ADGRL3: variants seen among roughly 807,000 people sequenced by gnomAD.
The protein encoded by ADGRL3 is calcium-independent alpha-latrotoxin receptor 3.
A neutral mutation model predicts 153.5 loss-of-function variants in ADGRL3; 62 were observed. The observed-to-expected ratio is 0.40, with a 90% CI of 0.33 to 0.50. The LOEUF (loss-of-function observed/expected upper bound fraction) is 0.50. ADGRL3 is among the 20% of genes least tolerant of loss of function. The pLI, the probability that ADGRL3 is intolerant of heterozygous loss-of-function variation, is 0.47. For synonymous variants in ADGRL3, 710 were observed against 672.5 expected, an observed-to-expected ratio of 1.06 and a Z score of -0.86; for missense variants, 1,641 against 1,859.4, an observed-to-expected ratio of 0.88 and a Z score of 2.16.
chr4:61,827,596 G>A (rs1029105955), intron 9 of ADGRL3, among the ~76,000 whole-genome samples: 1 of 152,112 alleles, frequency 6.6e-6, no homozygotes, highest in African/African-American at 2.4e-5. Flanking sequence ...AGAATTAGTA[G>A]GATATTTCAT....
chr4:61,323,532 C>T (rs913430694), intron 1 of ADGRL3, among the ~76,000 whole-genome samples: 1 of 152,260 alleles, frequency 6.6e-6, no homozygotes, highest in South Asian at 2.1e-4. Context: ...ATTTCTTCCA[C>T]CAGACACCCT....
chr4:61,522,570 CA>C, intron 4 of ADGRL3, among the ~76,000 whole-genome samples: 1 of 152,202 alleles, frequency 6.6e-6, no homozygotes, highest in South Asian at 2.1e-4. Flanking sequence ...AAAAGGGTGG[CA>C]AAACCTCATT....
At chr4:61,973,268 C>T (rs2099035959) in intron 17 of ADGRL3, among the ~76,000 whole-genome samples, 1 of 151,938 alleles carries the variant, frequency 6.6e-6, no homozygotes, top group African/African-American at 2.4e-5. Context: ...GACTTAGTAT[C>T]ATTGAGTGTA....
chr4:61,759,343 C>T (rs1243447583), intron 8 of ADGRL3, among the ~76,000 whole-genome samples: 1 of 152,072 alleles, frequency 6.6e-6, no homozygotes, highest in East Asian at 1.9e-4. Flanking sequence ...TCACATAGTC[C>T]CATATTTCTT....
intron 6 of ADGRL3, among the ~76,000 whole-genome samples, chr4:61,721,793 C>T (rs2096248102): frequency 6.6e-6 from 1 of 152,064 alleles, no homozygotes; most frequent in African/African-American, 2.4e-5. Flanking sequence ...AAACACAAAG[C>T]AGATTAGGTA....
chr4:61,647,413 G>C (rs1201322071), intron 5 of ADGRL3, among the ~76,000 whole-genome samples: 1 of 152,122 alleles, frequency 6.6e-6, no homozygotes, highest in Non-Finnish European at 1.5e-5. Context: ...AGTAGAACTA[G>C]GGTTTGTCCC....
At chr4:61,990,942 A>G (rs1365028421) in intron 19 of ADGRL3, among the ~76,000 whole-genome samples, 1 of 133,216 alleles carries the variant, frequency 7.5e-6, no homozygotes, top group Non-Finnish European at 1.6e-5. Flanking sequence ...GACTCTTCCG[A>G]TGTTTGAAAC....
At chr4:61,817,151 C>T (rs890251386) in intron 9 of ADGRL3, among the ~76,000 whole-genome samples, 6 of 74,482 alleles carry the variant, frequency 8.1e-5, no homozygotes, top group Non-Finnish European at 1.3e-4. Context: ...GTCTGCAGAC[C>T]CCCCCCCCCC....
At chr4:61,920,304 T>C (rs1457429458) in intron 13 of ADGRL3, among the ~76,000 whole-genome samples, 1 of 152,338 alleles carries the variant, frequency 6.6e-6, no homozygotes, top group East Asian at 1.9e-4. Context: ...TAAAGGATAT[T>C]AAAAACAGCA....
chr4:61,799,037 A>ATATATATG (rs1303486164), intron 8 of ADGRL3, among the ~76,000 whole-genome samples: 1 of 121,776 alleles, frequency 8.2e-6, no homozygotes, highest in Non-Finnish European at 1.7e-5. Context: ...ATATATATAT[A>ATATATATG]TACCATATAT....
At chr4:61,699,892 TAAG>T (rs2095715893) in intron 6 of ADGRL3, among the ~76,000 whole-genome samples, 1 of 151,812 alleles carries the variant, frequency 6.6e-6, no homozygotes, top group South Asian at 2.1e-4. Flanking sequence ...ACTATGCTTA[TAAG>T]AAGTTACAGC....
intron 21 of ADGRL3, among the ~76,000 whole-genome samples, chr4:62,003,635 A>T (rs2099148062): frequency 1.3e-5 from 2 of 152,068 alleles, no homozygotes; most frequent in African/African-American, 4.8e-5. Context: ...ATTTTTAACC[A>T]CTCTGTATGG....
At chr4:61,413,784 G>A (rs749539566) in intron 2 of ADGRL3, among the ~76,000 whole-genome samples, 2 of 151,908 alleles carry the variant, frequency 1.3e-5, no homozygotes, top group Admixed American at 6.6e-5. Context: ...ACAAACAAAC[G>A]AATGAAACCA....
intron 1 of ADGRL3, among the ~76,000 whole-genome samples, chr4:61,250,481 AG>A (rs1758808401): frequency 6.6e-6 from 1 of 152,160 alleles, no homozygotes; most frequent in Non-Finnish European, 1.5e-5. Context: ...CTGGATAGTA[AG>A]GGCCTGATCT....
intron 5 of ADGRL3, among the ~76,000 whole-genome samples, chr4:61,632,835 G>A (rs147827016): frequency 4.7e-4 from 72 of 152,190 alleles, no homozygotes; most frequent in African/African-American, 1.7e-3. Flanking sequence ...TACCATATTT[G>A]TGTAGGATTG....
At chr4:61,313,705 CTAA>C (rs939929497) in intron 1 of ADGRL3, among the ~76,000 whole-genome samples, 11 of 152,284 alleles carry the variant, frequency 7.2e-5, no homozygotes, top group Admixed American at 3.3e-4. Flanking sequence ...CCAAATACTT[CTAA>C]TGTTAAACAT....
At chr4:61,315,877 C>T (rs1257982553) in intron 1 of ADGRL3, among the ~76,000 whole-genome samples, 1 of 152,160 alleles carries the variant, frequency 6.6e-6, no homozygotes, top group Non-Finnish European at 1.5e-5. Flanking sequence ...TTTCCATTTT[C>T]CACATATTTA....
intron 1 of ADGRL3, among the ~76,000 whole-genome samples, chr4:61,323,219 C>T (rs542067376): frequency 1.1e-4 from 16 of 152,210 alleles, no homozygotes; most frequent in Non-Finnish European, 2.1e-4. Flanking sequence ...GGAACCTGGG[C>T]CTGGCCCAGG....
rs113440906 is a variant in ADGRL3 at position 62,022,267 on chromosome 4, A to G, written c.3396-6588A>G. Among the ~76,000 whole-genome samples, 1,041 of 152,288 alleles carry G rather than the reference A, an allele frequency of 6.8e-3. 8 individuals are homozygous for G. Among genetic ancestry groups the G allele is most frequent in the African/African-American group, 0.024 (990 of 41,584 alleles). ...CAAGGCCCTAACTCTCTTCAGTTCT[A>G]TGAAGGCTGAGAGAGGTGAGAAAGC... On this transcript the variant is annotated intron_variant, in intron 21 of 26. Transcript: ENST00000683033.
Sources: gnomAD v4.1 joint callset for allele counts (sites outside exome capture counted in the v4.1 genomes callset) on GRCh38, gnomAD v4.1.1 for gene constraint, MANE v1.5 for transcripts, NCBI Gene and HGNC (gene_info 2026-07-23, HGNC 2026-07-21) for gene names.